The following ATP8A2 variants were observed in gnomAD, a reference collection of about 807,000 sequenced individuals.
ATP8A2 encodes phospholipid-transporting ATPase IB.
In ATP8A2, 100 loss-of-function variants were observed where a neutral mutation model predicts 165.6. That is an observed-to-expected ratio of 0.60 (90% confidence interval 0.51 to 0.71). ATP8A2 has a LOEUF of 0.71. Among genes scored for constraint, ATP8A2 ranks in the 30% least tolerant of loss-of-function variants. ATP8A2 has a pLI of 0.00. For synonymous variants in ATP8A2, 543 were observed against 548.8 expected (o/e 0.99, Z 0.15); for missense variants, 1,227 against 1,479.5 (o/e 0.83, Z 2.80).
chr13:25,440,276 T>C (rs2034896276), intron 1 of ATP8A2, among the ~76,000 whole-genome samples: 1 of 152,090 alleles, frequency 6.6e-6, no homozygotes, highest in Admixed American at 6.5e-5. Context: ...GTTTAGAACT[T>C]GTGCTGTCAG....
intron 24 of ATP8A2, among the ~76,000 whole-genome samples, chr13:25,680,451 GC>G (rs2042462552): frequency 6.6e-6 from 1 of 152,116 alleles, no homozygotes; most frequent in South Asian, 2.1e-4. Context: ...CAGATTTCTA[GC>G]CCCAGGAGCT....
At chr13:25,893,968 T>TC (rs1953458394) in intron 33 of ATP8A2, among the ~76,000 whole-genome samples, 2 of 152,240 alleles carry the variant, frequency 1.3e-5, no homozygotes, top group African/African-American at 4.8e-5. Context: ...AAAAAGTTTC[T>TC]CCCATTCTGT....
intron 27 of ATP8A2, among the ~76,000 whole-genome samples, chr13:25,787,495 T>C (rs903454066): frequency 2.6e-5 from 4 of 152,264 alleles, no homozygotes; most frequent in African/African-American, 7.2e-5. Context: ...TTTTGGTGAT[T>C]ATGAATAATG....
chr13:25,831,504 C>T (rs2138620126), intron 28 of ATP8A2, among the ~76,000 whole-genome samples: 1 of 152,294 alleles, frequency 6.6e-6, no homozygotes, highest in African/African-American at 2.4e-5. Context: ...TGAGCCACCA[C>T]ACTCAGCCTC....
chr13:25,384,805 G>A (rs553767873), intron 1 of ATP8A2, among the ~76,000 whole-genome samples: 2 of 151,560 alleles, frequency 1.3e-5, no homozygotes, highest in African/African-American at 4.9e-5. Context: ...TCTTTTTCTT[G>A]GTGTTCATGA....
intron 35 of ATP8A2, among the ~76,000 whole-genome samples, chr13:25,994,505 G>T (rs900094880): frequency 2.6e-5 from 4 of 152,126 alleles, no homozygotes; most frequent in African/African-American, 9.7e-5. Context: ...GGTGCTAGCT[G>T]CAGGTGTTTT....
intron 2 of ATP8A2, among the ~76,000 whole-genome samples, chr13:25,494,245 G>A (rs1302616895): frequency 2.0e-5 from 3 of 152,074 alleles, no homozygotes; most frequent in Non-Finnish European, 2.9e-5. Context: ...ATGTACTTCC[G>A]TTTCTTAATC....
At chr13:26,015,516 C>T (rs1342095443) in intron 36 of ATP8A2, among the ~76,000 whole-genome samples, 1 of 152,094 alleles carries the variant, frequency 6.6e-6, no homozygotes, top group African/African-American at 2.4e-5. Context: ...AGACAGGAAA[C>T]TGCTATTTTC....
At chr13:25,895,020 C>T (rs1953490563) in intron 33 of ATP8A2, among the ~76,000 whole-genome samples, 1 of 152,262 alleles carries the variant, frequency 6.6e-6, no homozygotes, top group African/African-American at 2.4e-5. Flanking sequence ...ATTGAATGCC[C>T]TTTATTCCCT....
At chr13:25,837,406 A>C in intron 29 of ATP8A2, 121 bp downstream of exon 29, 1 of 980,780 alleles carries the variant, frequency 1.0e-6, no homozygotes, top group Non-Finnish European at 1.5e-6. Flanking sequence ...TGAAAACATG[A>C]TCCACTCACC....
chr13:25,635,702 C>T (rs1164844830), intron 24 of ATP8A2, among the ~76,000 whole-genome samples: 1 of 152,152 alleles, frequency 6.6e-6, no homozygotes, highest in African/African-American at 2.4e-5. Context: ...AGGCCATGCT[C>T]AAGTTTTGAA....
intron 24 of ATP8A2, among the ~76,000 whole-genome samples, chr13:25,675,528 C>A (rs2042354485): frequency 6.6e-6 from 1 of 152,156 alleles, no homozygotes; most frequent in Non-Finnish European, 1.5e-5. Flanking sequence ...TATCAGATAG[C>A]TTTTTATTTT....
At chr13:25,968,186 C>T (rs1955825261) in intron 34 of ATP8A2, among the ~76,000 whole-genome samples, 1 of 152,218 alleles carries the variant, frequency 6.6e-6, no homozygotes, top group Non-Finnish European at 1.5e-5. Context: ...GACCAGGGAA[C>T]CAGTGCCTGT....
At chr13:25,477,056 G>T (rs1176054548) in intron 2 of ATP8A2, among the ~76,000 whole-genome samples, 1 of 152,190 alleles carries the variant, frequency 6.6e-6, no homozygotes, top group Non-Finnish European at 1.5e-5. Flanking sequence ...AGAAAAGCCT[G>T]TCAGCATTGG....
intron 35 of ATP8A2, among the ~76,000 whole-genome samples, chr13:26,003,628 T>A (rs944473171): frequency 1.3e-5 from 2 of 152,136 alleles, no homozygotes; most frequent in Non-Finnish European, 2.9e-5. Flanking sequence ...CTTTCCCCTA[T>A]CTTCCTCCAG....
intron 25 of ATP8A2, among the ~76,000 whole-genome samples, chr13:25,732,119 C>A (rs745335509): frequency 3.0e-4 from 46 of 152,300 alleles, no homozygotes; most frequent in Non-Finnish European, 2.2e-4. Flanking sequence ...CCCTCCCTAG[C>A]CCAGAGAGCT....
intron 1 of ATP8A2, among the ~76,000 whole-genome samples, chr13:25,411,770 T>A (rs1233371890): frequency 6.6e-6 from 1 of 152,220 alleles, no homozygotes; most frequent in Non-Finnish European, 1.5e-5. Flanking sequence ...GCAGCACACA[T>A]AACTGTGAGT....
rs1187172513 is a variant in ATP8A2, at chr13:25,583,892, A to C, written c.2146+1935A>C. ...GCCAGAACCGCTCACATCATTTGCT[A>C]TCTCTTAATTGATCTTTCTTAGCAA... On this transcript the variant is annotated intron_variant, in intron 23 of 36. Transcript: ENST00000381655. Among the ~76,000 whole-genome samples, 4 of 152,290 alleles carry C rather than the reference A, an allele frequency of 2.6e-5. No homozygotes were observed. In the South Asian group the frequency reaches 8.3e-4, roughly 32 times the overall value.
At chr13:25,625,101 G>A (rs1449988459) in intron 24 of ATP8A2, among the ~76,000 whole-genome samples, 3 of 152,194 alleles carry the variant, frequency 2.0e-5, no homozygotes, top group Admixed American at 6.5e-5. Flanking sequence ...TGTGCATTTA[G>A]TGTTGGAAGG....
Sources: allele counts gnomAD v4.1 joint callset (sites outside exome capture counted in the v4.1 genomes callset), GRCh38; gene constraint gnomAD v4.1.1; transcripts MANE v1.5; gene names NCBI Gene and HGNC (gene_info 2026-07-23, HGNC 2026-07-21).